Variants in NBEA observed in about 807,000 individuals in gnomAD.
NBEA encodes the protein lysosomal-trafficking regulator 2.
In NBEA, 44 loss-of-function variants were observed where a neutral mutation model predicts 343.4. The observed-to-expected ratio is 0.13, with a 90% CI of 0.10 to 0.16. NBEA has a LOEUF of 0.16. NBEA is among the 10% of genes least tolerant of loss of function. The pLI, the probability that NBEA is intolerant of heterozygous loss-of-function variation, is 1.00. For missense variants in NBEA, 2,555 were observed against 3,631.3 expected, an observed-to-expected ratio of 0.70 and a Z score of 7.62; for synonymous variants, 1,175 against 1,238.7, an observed-to-expected ratio of 0.95 and a Z score of 1.08.
chr13:35,461,557 T>A (rs1470433346), intron 40 of NBEA, among the ~76,000 whole-genome samples: 1 of 152,196 alleles, frequency 6.6e-6, no homozygotes, highest in Non-Finnish European at 1.5e-5. Context: ...ATGTGGGTCA[T>A]CTTGTTAGAT....
chr13:34,957,739 C>T (rs1015498394), intron 1 of NBEA, among the ~76,000 whole-genome samples: 2 of 152,098 alleles, frequency 1.3e-5, no homozygotes, highest in Non-Finnish European at 2.9e-5. Context: ...CGTGTTTTCG[C>T]TACAACCCCT....
chr13:35,239,275 A>G lies in NBEA; in HGVS notation c.5776+6656A>G, dbSNP rs571478342. On this transcript the variant is annotated intron_variant, in intron 34 of 58. Transcript: ENST00000379939. Reference sequence around the variant, plus strand: ...TGCCTAGGTGGGGACCATCTAGCTTATAGCTACATGATATACATGATATCA... The same window carrying G: ...TGCCTAGGTGGGGACCATCTAGCTTGTAGCTACATGATATACATGATATCA... Among the ~76,000 whole-genome samples the G allele has an allele frequency of 2.6e-5, 4 of 152,252 alleles. No homozygotes were observed. The East Asian group carries it at 7.7e-4, about 29-fold the overall frequency.
rs1300235413 is a variant in NBEA at position 35,171,420 on chromosome 13, C to T, written c.4391C>T (p.Ser1464Phe). ...SEIEAEKNMSSGGLMRQCLRL... is the reference protein window; with the variant it reads ...SEIEAEKNMSFGGLMRQCLRL... ...ATTGAAGCTGAGAAAAACATGTCTT[C>T]TGGAGGTTTAATGCGACAGTGCCTA... The change falls in exon 26 of 59, where the codon TCT becomes TTT. Residue 1464 changes from serine to phenylalanine, a missense_variant. Physicochemically the swap from Ser to Phe is radical, Grantham distance 155 (BLOSUM62 -2). Around this residue, in one of 21 missense-constraint regions of NBEA, gnomAD observed 168 missense variants for 193.0 expected, o/e 0.87. Coordinates refer to ENST00000379939, the MANE Select transcript of NBEA (RefSeq NM_001385012.1). 5 of 1,611,600 alleles carry T rather than the reference C, an allele frequency of 3.1e-6. No individual in the cohort carries two copies. In the African/African-American group the frequency reaches 6.7e-5, roughly 22 times the overall value.
In NBEA at chr13:35,593,323, C is replaced by A. The variant is rs200597506; in HGVS notation, c.7177-5C>A. 1 of 1,610,886 alleles carries A rather than the reference C, an allele frequency of 6.2e-7. No homozygotes were observed. The highest frequency in any genetic ancestry group is 1.3e-5 in the African/African-American group (1 of 74,672). ...TCAAATTTCTGATTCTGTTTTTTTG[C>A]TTAGGAACCTTTCACAACCTTCTTC... On this transcript the variant is annotated splice_region_variant and splice_polypyrimidine_tract_variant and intron_variant, in intron 46 of 58. Transcript: ENST00000379939.
chr13:35,488,531 A>G (rs977436036), intron 41 of NBEA, among the ~76,000 whole-genome samples: 4 of 151,956 alleles, frequency 2.6e-5, no homozygotes, highest in African/African-American at 9.7e-5. Context: ...TGCTTGATCA[A>G]TGACTAGCAA....
At chr13:35,642,067 A>G (rs911478157) in intron 49 of NBEA, among the ~76,000 whole-genome samples, 1 of 152,200 alleles carries the variant, frequency 6.6e-6, no homozygotes, top group Admixed American at 6.5e-5. Context: ...AGTGTTGTCT[A>G]CCAATGGCTG....
chr13:35,420,044 A>G (rs2152922845), intron 38 of NBEA, among the ~76,000 whole-genome samples: 1 of 152,138 alleles, frequency 6.6e-6, no homozygotes, highest in South Asian at 2.1e-4. Context: ...GATTTTTTAC[A>G]TAGACAGTCA....
At chr13:35,127,754 A>G (rs2067205709) in intron 17 of NBEA, among the ~76,000 whole-genome samples, 1 of 152,168 alleles carries the variant, frequency 6.6e-6, no homozygotes, top group Non-Finnish European at 1.5e-5. Flanking sequence ...TAAAAAGATA[A>G]GCAGTTCTAT....
At position 35,201,351 on chromosome 13, in the gene NBEA, AT is replaced by A. The variant is rs912756027; in HGVS notation, c.5366+5056del. ...AGATTCTTTATTGTTTCTTAAACAT[AT>A]TTTTTTATATTGCAATTCTCAAATA... On this transcript the variant is annotated intron_variant, in intron 31 of 58. Transcript: ENST00000379939. Among the ~76,000 whole-genome samples, 6 of 152,088 alleles carry A rather than the reference AT, an allele frequency of 3.9e-5. No individual in the cohort carries two copies. In the South Asian group the frequency reaches 6.2e-4, roughly 16 times the overall value.
chr13:35,004,716 A>G (rs1593433807), intron 1 of NBEA, among the ~76,000 whole-genome samples: 1 of 152,320 alleles, frequency 6.6e-6, no homozygotes. Flanking sequence ...AAATGATCAT[A>G]GTAATCCCAC....
chr13:35,163,487 A>G (rs368872448), intron 23 of NBEA, among the ~76,000 whole-genome samples: 1 of 151,826 alleles, frequency 6.6e-6, no homozygotes, highest in Non-Finnish European at 1.5e-5. Context: ...ACAAACATTA[A>G]CTAGGCGTGG....
intron 10 of NBEA, among the ~76,000 whole-genome samples, chr13:35,095,533 A>G (rs1291521742): frequency 6.6e-6 from 1 of 151,720 alleles, no homozygotes; most frequent in Non-Finnish European, 1.5e-5. Flanking sequence ...CTTGAAATAA[A>G]TGTTAGTTTC....
intron 45 of NBEA, among the ~76,000 whole-genome samples, chr13:35,574,639 A>C (rs1333286289): frequency 6.6e-6 from 1 of 152,082 alleles, no homozygotes; most frequent in Non-Finnish European, 1.5e-5. Context: ...TAATCCTAGC[A>C]CTTTGGAAGG....
intron 40 of NBEA, among the ~76,000 whole-genome samples, chr13:35,464,180 G>A (rs762184574): frequency 2.0e-5 from 3 of 152,048 alleles, no homozygotes; most frequent in Non-Finnish European, 4.4e-5. Context: ...CAGAAAAAGG[G>A]TAAACCCCAG....
At chr13:35,084,140 C>T (rs977653147) in intron 10 of NBEA, among the ~76,000 whole-genome samples, 6 of 152,024 alleles carry the variant, frequency 3.9e-5, no homozygotes, top group African/African-American at 1.4e-4. Flanking sequence ...GACTTTAACA[C>T]CCCACTGTCA....
intron 47 of NBEA, among the ~76,000 whole-genome samples, chr13:35,599,110 C>T (rs1269121019): frequency 6.6e-6 from 1 of 152,120 alleles, no homozygotes; most frequent in Non-Finnish European, 1.5e-5. Flanking sequence ...AATTTTCCAC[C>T]ACTACTTAAG....
chr13:35,483,537 A>G (rs1199677831), intron 41 of NBEA, among the ~76,000 whole-genome samples: 7 of 152,048 alleles, frequency 4.6e-5, no homozygotes, highest in African/African-American at 1.2e-4. Flanking sequence ...ATGTAAATGT[A>G]GATGGTTACA....
intron 47 of NBEA, among the ~76,000 whole-genome samples, chr13:35,594,285 A>G (rs572847263): frequency 1.6e-4 from 24 of 152,238 alleles, no homozygotes; most frequent in African/African-American, 4.1e-4. Flanking sequence ...AGAGCCTTAA[A>G]CCAACAAAAG....
chr13:35,208,449 T>C (rs991137185), intron 31 of NBEA, among the ~76,000 whole-genome samples: 1 of 152,170 alleles, frequency 6.6e-6, no homozygotes, highest in African/African-American at 2.4e-5. Context: ...ATTTGCCATC[T>C]TAAGAAAGGT....
Sources: allele counts gnomAD v4.1 joint callset (sites outside exome capture counted in the v4.1 genomes callset), GRCh38; gene constraint gnomAD v4.1.1; regional missense constraint gnomAD v4.1.1; transcripts MANE v1.5; gene names NCBI Gene and HGNC (gene_info 2026-07-23, HGNC 2026-07-21).